CALU: variants seen among roughly 807,000 people sequenced by gnomAD.
CALU encodes IEF SSP 9302.
A neutral mutation model predicts 37.5 loss-of-function variants in CALU; 13 were observed. The observed-to-expected ratio is 0.35, with a 90% CI of 0.23 to 0.55. The LOEUF (loss-of-function observed/expected upper bound fraction) is 0.55, where lower values mean the gene tolerates loss of function less well. Ranked by LOEUF, CALU falls within the 20% of genes least tolerant of loss-of-function variation. The probability of loss-of-function intolerance (pLI) is 0.89; values close to 1 mark genes in which losing one functional copy is unlikely to be tolerated. For missense variants in CALU, 282 were observed against 391.7 expected, an observed-to-expected ratio of 0.72 and a Z score of 2.36; for synonymous variants, 114 against 133.8, an observed-to-expected ratio of 0.85 and a Z score of 1.02.
Position 128,759,830 on chromosome 7 carries a change from C to A in CALU, c.621C>A (p.Phe207Leu). 1 of 1,405,024 alleles carries A rather than the reference C, an allele frequency of 7.1e-7. No homozygotes were observed. Among genetic ancestry groups the A allele is most frequent in the Non-Finnish European group, 1.0e-6 (1 of 989,908 alleles). The allele number at this position is 1,405,024 out of a possible 1,614,324, so 87.0% of individuals were successfully genotyped here. Residue 207 changes from phenylalanine (F) to leucine (L), a missense_variant, in exon 5 of 7, where the codon TTC (phenylalanine) becomes TTA (leucine). Coordinates refer to ENST00000249364, the MANE Select transcript of CALU (RefSeq NM_001219.5). ...ATATAGATAAGAATGCTGATGGTTT[C>A]ATTGATCTAGAAGAGTATATTGGTA... is the stretch of plus-strand genomic sequence containing the variant. ...MEDIDKNADG[F>L]IDLEEYIGDM...
In CALU at chr7:128,764,375, G is replaced by A. The variant is rs10215105; in HGVS notation, c.644-3081G>A. On this transcript the variant is annotated intron_variant, in intron 5 of 6. Coordinates refer to ENST00000249364, the MANE Select transcript of CALU (RefSeq NM_001219.5). The stretch of plus-strand genomic sequence containing the variant: ...TGAGGGTTTGAGGTTGCAGTGCACC[G>A]TTATTGTACCACTGCACTCCAGCCT... 2.5e-4 allele frequency among the ~76,000 whole-genome samples: 38 copies of A among 152,104 alleles called. 1 individual carries two copies. The East Asian group carries it at 6.9e-3, about 28-fold the overall frequency.
Position 128,769,284 on chromosome 7 carries a change from C to T in CALU, c.*117C>T, listed in dbSNP as rs545884540. Reference sequence around the variant, plus strand: ...ACAAACTTTTTAAGACATGAAAAGGCGTAATGAAAACCATCCCGTCCCCAT... The same window carrying T: ...ACAAACTTTTTAAGACATGAAAAGGTGTAATGAAAACCATCCCGTCCCCAT... On this transcript the variant is annotated 3_prime_UTR_variant, in exon 7 of 7. Transcript: ENST00000249364. 4 of 596,160 alleles carry T rather than the reference C, an allele frequency of 6.7e-6. No individual in the cohort carries two copies. Among genetic ancestry groups the T allele is most frequent in the Admixed American group, 6.4e-5 (2 of 31,482 alleles). The allele number at this position is 596,160 out of a possible 1,614,324, so 36.9% of individuals were successfully genotyped here. A position where few individuals can be genotyped will look rare whatever the true frequency, so the allele number is the denominator to read the frequency against.
chr7:128,763,445 C>T (rs1268576965), intron 5 of CALU, among the ~76,000 whole-genome samples: 1 of 152,050 alleles, frequency 6.6e-6, no homozygotes, highest in Non-Finnish European at 1.5e-5. Context: ...GCAGGAGAAT[C>T]GCTTGAACCC....
rs766669793 is a variant in CALU, at chr7:128,748,599, TTTC to T, written c.19_21del (p.Leu7del). The T allele has an allele frequency of 9.9e-6, 16 of 1,613,982 alleles. No homozygotes were observed. In the African/African-American group the frequency reaches 2.0e-4, roughly 20 times the overall value. ...TCTAATTATCATGGACCTGCGACAG[TTTC>T]TTATGTGCCTGTCCCTGTGCACAGC... On this transcript the variant is annotated inframe_deletion, in exon 2 of 7. Coordinates refer to ENST00000249364, the MANE Select transcript of CALU (RefSeq NM_001219.5).
Position 128,772,058 on chromosome 7 carries a change from TTTTTGTTTTTTTTTTTG to T in CALU, c.*2901_*2917del, listed in dbSNP as rs796706020. Among the ~76,000 whole-genome samples, 16 of 77,478 alleles carry T rather than the reference TTTTTGTTTTTTTTTTTG, an allele frequency of 2.1e-4. No individual in the cohort carries two copies. Among genetic ancestry groups the T allele is most frequent in the Non-Finnish European group, 5.4e-4 (15 of 27,730 alleles). 50.8% of individuals were successfully genotyped at this position (77,478 alleles called of 152,430 possible). On this transcript the variant is annotated 3_prime_UTR_variant, in exon 7 of 7. Transcript: ENST00000249364. ...ACTCATATTTGGGGCCACTGAGTTTTTTTTGTTTTTTTTTTTGTTTTGTTTTGTTTTTTCTTTATGTC... is the reference window on the plus strand; with the variant it reads ...ACTCATATTTGGGGCCACTGAGTTTTTTTTGTTTTGTTTTTTCTTTATGTC...
intron 1 of CALU, among the ~76,000 whole-genome samples, chr7:128,741,165 C>CT (rs755096943): frequency 7.2e-5 from 11 of 152,224 alleles, no homozygotes; most frequent in Non-Finnish European, 1.2e-4. Context: ...TCTCTGAACT[C>CT]TTAAGTATGG....
chr7:128,748,436 A>G, intron 1 of CALU, 137 bp from the exon 2 acceptor site: 1 of 1,229,516 alleles, frequency 8.1e-7, no homozygotes, highest in South Asian at 1.4e-5. Flanking sequence ...GGATGAAGTA[A>G]TATTTGGGAT....
rs1040219773 is a variant in CALU at position 128,769,917 on chromosome 7, C to T, written c.*750C>T. On this transcript the variant is annotated 3_prime_UTR_variant, in exon 7 of 7. Coordinates refer to ENST00000249364, the MANE Select transcript of CALU (RefSeq NM_001219.5). ...TAGTGAATGTGATCTCTTTGCAGAG[C>T]TATAGATAGAAACAGCTGGAAAACT... 7 of 152,140 alleles carry T rather than the reference C, an allele frequency of 4.6e-5. No individual in the cohort carries two copies. The highest frequency in any genetic ancestry group is 1.7e-4 in the African/African-American group (7 of 41,424). The allele number at this position is 152,140 out of a possible 1,614,324, so 9.4% of individuals were successfully genotyped here.
chr7:128,763,071 T>G (rs1185834942), intron 5 of CALU, among the ~76,000 whole-genome samples: 1 of 152,240 alleles, frequency 6.6e-6, no homozygotes, highest in African/African-American at 2.4e-5. Flanking sequence ...CCTTGCTTCC[T>G]TCTTACTTTG....
rs1439031915 is a variant in CALU at position 128,767,675 on chromosome 7, C to T, written c.843+20C>T. 6.3e-7 allele frequency: 1 copy of T among 1,594,844 alleles called. No homozygotes were observed. Among genetic ancestry groups the T allele is most frequent in the Non-Finnish European group, 8.6e-7 (1 of 1,163,342 alleles). ...AACAAGGTAAGTCTGGCGAGGCCCA[C>T]ACGCTCTATCCTTGATTGAAGTATG... On this transcript the variant is annotated intron_variant, in intron 6 of 6. Transcript: ENST00000249364.
At chr7:128,743,053 G>A (rs1800299247) in intron 1 of CALU, among the ~76,000 whole-genome samples, 1 of 151,952 alleles carries the variant, frequency 6.6e-6, no homozygotes, top group African/African-American at 2.4e-5. Flanking sequence ...CTTTCAATAT[G>A]AAATGTAACA....
At chr7:128,745,748 T>G (rs339051) in intron 1 of CALU, among the ~76,000 whole-genome samples, 6 of 152,240 alleles carry the variant, frequency 3.9e-5, no homozygotes, top group African/African-American at 1.2e-4. Flanking sequence ...TCAGTTGAAT[T>G]ATTGGAGGGT....
intron 1 of CALU, among the ~76,000 whole-genome samples, chr7:128,740,358 A>G (rs1265413180): frequency 6.6e-6 from 1 of 152,238 alleles, no homozygotes; most frequent in Non-Finnish European, 1.5e-5. Flanking sequence ...GTCAACGTTA[A>G]TGAATTGGGA....
At chr7:128,746,558 A>G (rs547022757) in intron 1 of CALU, among the ~76,000 whole-genome samples, 8 of 147,308 alleles carry the variant, frequency 5.4e-5, no homozygotes, top group Non-Finnish European at 1.2e-4. Context: ...GGTTCAAGCT[A>G]TCCTCCCACC....
chr7:128,753,849 T>C (rs1025548769), intron 2 of CALU, among the ~76,000 whole-genome samples: 1 of 152,354 alleles, frequency 6.6e-6, no homozygotes, highest in African/African-American at 2.4e-5. Flanking sequence ...GAATTGGAGT[T>C]TCTCTTCTGT....
chr7:128,769,196 A>G lies in CALU; in HGVS notation c.*29A>G, dbSNP rs1585023319. The G allele has an allele frequency of 8.5e-7, 1 of 1,170,834 alleles. No individual in the cohort carries two copies. Among genetic ancestry groups the G allele is most frequent in the South Asian group, 1.3e-5 (1 of 76,362 alleles). 72.5% of individuals were successfully genotyped at this position (1,170,834 alleles called of 1,614,324 possible). A position where few individuals can be genotyped will look rare whatever the true frequency, so the allele number is the denominator to read the frequency against. Reference sequence around the variant, plus strand: ...ACGGAGGAACCCTCATTTCCTCAAAAGTAATTTATTTTTACAGCTTCTGGT... The same window carrying G: ...ACGGAGGAACCCTCATTTCCTCAAAGGTAATTTATTTTTACAGCTTCTGGT... On this transcript the variant is annotated 3_prime_UTR_variant, in exon 7 of 7. Transcript: ENST00000249364.
chr7:128,750,616 C>T (rs1029327255), intron 2 of CALU, among the ~76,000 whole-genome samples: 2 of 152,036 alleles, frequency 1.3e-5, no homozygotes, highest in African/African-American at 4.8e-5. Flanking sequence ...GACAAATATC[C>T]CTACTTTATA....
At chr7:128,752,825 C>T (rs1396094493) in intron 2 of CALU, among the ~76,000 whole-genome samples, 1 of 152,194 alleles carries the variant, frequency 6.6e-6, no homozygotes, top group African/African-American at 2.4e-5. Context: ...GCTGAGATTA[C>T]AGGCATGCGC....
chr7:128,751,364 C>T (rs956457599), intron 2 of CALU, among the ~76,000 whole-genome samples: 1 of 151,688 alleles, frequency 6.6e-6, no homozygotes, highest in Non-Finnish European at 1.5e-5. Flanking sequence ...TTTTGGGGAT[C>T]ACAGGCCCAG....
Sources: allele counts gnomAD v4.1 joint callset (sites outside exome capture counted in the v4.1 genomes callset), GRCh38; gene constraint gnomAD v4.1.1; transcripts MANE v1.5; gene names NCBI Gene and HGNC (gene_info 2026-07-23, HGNC 2026-07-21).